Variants in TRIP4 observed in about 807,000 individuals in gnomAD.
The protein encoded by TRIP4 is activating signal cointegrator 1.
A neutral mutation model predicts 81.8 loss-of-function variants in TRIP4; 54 were observed. That is an observed-to-expected ratio of 0.66 (90% CI 0.53 to 0.83). The LOEUF is 0.83. TRIP4 is among the 40% of genes least tolerant of loss of function. TRIP4 has a pLI of 0.00. For missense variants in TRIP4, 662 were observed against 683.6 expected, an observed-to-expected ratio of 0.97 and a Z score of 0.35; for synonymous variants, 270 against 242.8, an observed-to-expected ratio of 1.11 and a Z score of -1.04.
At chr15:64,450,544 T>C (rs1892735484) in intron 12 of TRIP4, 1 of 382,652 alleles carries the variant, frequency 2.6e-6, no homozygotes, top group African/African-American at 2.1e-5. Flanking sequence ...TTACCATCAT[T>C]GCCCACAGCT....
chr15:64,418,962 TAAAC>T (rs1891947649), intron 9 of TRIP4, among the ~76,000 whole-genome samples: 1 of 152,108 alleles, frequency 6.6e-6, no homozygotes, highest in African/African-American at 2.4e-5. Context: ...CTGAATAGCT[TAAAC>T]AAACTGAGCA....
intron 9 of TRIP4, 152 bp from the exon 10 acceptor site, chr15:64,423,879 T>C (rs1892075765): frequency 1.5e-5 from 12 of 816,458 alleles, no homozygotes; most frequent in Non-Finnish European, 2.3e-5. Flanking sequence ...GAGAGAAAAG[T>C]GTTTTTGACA....
chr15:64,400,589 A>G (rs1891473981), intron 4 of TRIP4, among the ~76,000 whole-genome samples, 154 bp from the exon 5 acceptor site: 1 of 151,430 alleles, frequency 6.6e-6, no homozygotes, highest in Admixed American at 6.6e-5. Flanking sequence ...ACTCATTTGC[A>G]TTTTTATATT....
At chr15:64,442,195 A>G (rs1355135734) in intron 11 of TRIP4, among the ~76,000 whole-genome samples, 2 of 79,910 alleles carry the variant, frequency 2.5e-5, no homozygotes, top group Non-Finnish European at 6.9e-5. Context: ...GCGTGATCTG[A>G]TACAAAAAAA....
At chr15:64,420,676 A>G (rs1220336899) in intron 9 of TRIP4, among the ~76,000 whole-genome samples, 2 of 151,802 alleles carry the variant, frequency 1.3e-5, no homozygotes, top group African/African-American at 4.8e-5. Flanking sequence ...GGCGCCCGCC[A>G]CCATGCCCAG....
intron 11 of TRIP4, among the ~76,000 whole-genome samples, chr15:64,441,175 T>TAC (rs1892509413): frequency 1.3e-5 from 2 of 151,858 alleles, no homozygotes; most frequent in South Asian, 4.2e-4. Flanking sequence ...TTTTTGTATT[T>TAC]TTAGTAGAGA....
chr15:64,448,161 G>A (rs1892675321), intron 12 of TRIP4, among the ~76,000 whole-genome samples: 1 of 152,128 alleles, frequency 6.6e-6, no homozygotes, highest in South Asian at 2.1e-4. Context: ...ACTGTTAATT[G>A]ATCTTTAGTC....
chr15:64,418,343 C>T (rs1437286144), intron 8 of TRIP4, among the ~76,000 whole-genome samples, 198 bp from the exon 9 acceptor site: 1 of 152,176 alleles, frequency 6.6e-6, no homozygotes, highest in Admixed American at 6.5e-5. Flanking sequence ...AACTCCTGAC[C>T]TCAAGTGATC....
intron 12 of TRIP4, among the ~76,000 whole-genome samples, chr15:64,453,964 G>A (rs1047615680): frequency 1.3e-5 from 2 of 152,168 alleles, no homozygotes; most frequent in African/African-American, 2.4e-5. Context: ...CCAGAGAAGG[G>A]TGGACTAGAA....
At chr15:64,451,469 T>C (rs941519982) in intron 12 of TRIP4, among the ~76,000 whole-genome samples, 174 of 31,414 alleles carry the variant, frequency 5.5e-3, no homozygotes, top group Non-Finnish European at 0.013. Flanking sequence ...TCTGATCTTT[T>C]TTTTTTTTTT....
In TRIP4 at chr15:64,454,928, G is replaced by A; in HGVS notation, c.1679-69G>A. 4 of 1,427,258 alleles carry A rather than the reference G, an allele frequency of 2.8e-6. No individual in the cohort carries two copies. In the South Asian group the frequency reaches 4.6e-5, roughly 17 times the overall value. The allele number at this position is 1,427,258 out of a possible 1,614,324, so 88.4% of individuals were successfully genotyped here. A position where few individuals can be genotyped will look rare whatever the true frequency, so the allele number is the denominator to read the frequency against. ...CAGGAACACAGTAACCAGAAGACCT[G>A]GGAGGCTGCAAAAGATTTGCATTGC... On this transcript the variant is annotated intron_variant, in intron 12 of 12. Coordinates refer to ENST00000261884, the MANE Select transcript of TRIP4 (RefSeq NM_016213.5).
rs139514471 is a variant in TRIP4 at position 64,426,419 on chromosome 15, G to A, written c.1575+788G>A. 7.5e-3 allele frequency among the ~76,000 whole-genome samples: 1,141 copies of A among 152,246 alleles called. 7 individuals carry two copies. Among genetic ancestry groups the A allele is most frequent in the Non-Finnish European group, 0.012 (792 of 68,012 alleles). ...TTATCACTAAAGATTGAACTGACAG[G>A]TCGGGCGCAGTGGCTTACACCTGCA... On this transcript the variant is annotated intron_variant, in intron 11 of 12. Transcript: ENST00000261884.
At chr15:64,418,263 C>T (rs2140297197) in intron 8 of TRIP4, among the ~76,000 whole-genome samples, 1 of 152,248 alleles carries the variant, frequency 6.6e-6, no homozygotes, top group African/African-American at 2.4e-5. Context: ...AGGCACCTGC[C>T]ACCACGCCCA....
chr15:64,404,418 T>G (rs1891578560), intron 5 of TRIP4, among the ~76,000 whole-genome samples: 2 of 152,038 alleles, frequency 1.3e-5, no homozygotes, highest in Non-Finnish European at 2.9e-5. Context: ...CCTCTCAGGT[T>G]CAAGCAATTC....
chr15:64,418,360 C>T (rs753682274), intron 8 of TRIP4, among the ~76,000 whole-genome samples, 181 bp from the exon 9 acceptor site: 4 of 152,224 alleles, frequency 2.6e-5, no homozygotes, highest in African/African-American at 7.2e-5. Context: ...GATCCACCCG[C>T]CTTGGCCTCT....
At chr15:64,436,287 T>G (rs1020526343) in intron 11 of TRIP4, among the ~76,000 whole-genome samples, 2 of 149,138 alleles carry the variant, frequency 1.3e-5, no homozygotes, top group Non-Finnish European at 3.0e-5. Flanking sequence ...AGAACGACAC[T>G]CCGTCTCAAA....
intron 3 of TRIP4, among the ~76,000 whole-genome samples, chr15:64,396,606 A>C (rs1186694933): frequency 6.6e-6 from 1 of 152,088 alleles, no homozygotes; most frequent in Non-Finnish European, 1.5e-5. Context: ...AATTTATGAG[A>C]TTCATCTCTA....
chr15:64,455,150 A>G lies in TRIP4; in HGVS notation c.*86A>G, dbSNP rs546095510. On this transcript the variant is annotated 3_prime_UTR_variant, in exon 13 of 13. Coordinates refer to ENST00000261884, the MANE Select transcript of TRIP4 (RefSeq NM_016213.5). ...TGGTCCTTTGGAATTGAAGTAGTAG[A>G]AACCTAAAGGCTTGGCGTCAGGCTT... 4.1e-6 allele frequency: 5 copies of G among 1,220,422 alleles called. No homozygotes were observed. In the South Asian group the frequency reaches 7.0e-5, roughly 17 times the overall value. The allele number at this position is 1,220,422 out of a possible 1,614,324, so 75.6% of individuals were successfully genotyped here.
chr15:64,393,783 G>C, intron 1 of TRIP4, 163 bp from the exon 2 acceptor site: 1 of 542,452 alleles, frequency 1.8e-6, no homozygotes, highest in Non-Finnish European at 2.9e-6. Flanking sequence ...ATTCATACCA[G>C]TTAGGATCGT....
Sources: allele counts gnomAD v4.1 joint callset (sites outside exome capture counted in the v4.1 genomes callset), GRCh38; gene constraint gnomAD v4.1.1; transcripts MANE v1.5; gene names NCBI Gene and HGNC (gene_info 2026-07-23, HGNC 2026-07-21).